The following RHPN2 variants were observed in gnomAD, a reference collection of about 807,000 sequenced individuals.
RHPN2 encodes rhophilin-2.
In RHPN2, 40 loss-of-function variants were observed where a neutral mutation model predicts 79.0. That is an observed-to-expected ratio of 0.51 (90% CI 0.39 to 0.66). The LOEUF (loss-of-function observed/expected upper bound fraction) is 0.66. Ranked by LOEUF, RHPN2 falls within the 30% of genes least tolerant of loss-of-function variation. The pLI is 0.00. For synonymous variants in RHPN2, 285 were observed against 363.5 expected, an observed-to-expected ratio of 0.78 and a Z score of 2.46; for missense variants, 686 against 883.5, an observed-to-expected ratio of 0.78 and a Z score of 2.83.
At chr19:33,025,977 A>G (rs1599823489) in intron 3 of RHPN2, among the ~76,000 whole-genome samples, 1 of 105,662 alleles carries the variant, frequency 9.5e-6, no homozygotes, top group Non-Finnish European at 1.7e-5. Context: ...TACTGTGTTC[A>G]TTTGTTTTTT....
chr19:33,034,018 G>A (rs1057155738), intron 2 of RHPN2, among the ~76,000 whole-genome samples: 5 of 123,650 alleles, frequency 4.0e-5, no homozygotes, highest in African/African-American at 1.9e-4. Flanking sequence ...TCCCATCTTG[G>A]CAAAACATTT....
intron 4 of RHPN2, among the ~76,000 whole-genome samples, chr19:33,012,935 G>A (rs1158884658): frequency 6.6e-6 from 1 of 151,384 alleles, no homozygotes; most frequent in East Asian, 1.9e-4. Flanking sequence ...GAGTGCAGTG[G>A]CACAATCTCG....
intron 3 of RHPN2, among the ~76,000 whole-genome samples, chr19:33,024,503 A>G (rs1971950954): frequency 6.6e-6 from 1 of 152,186 alleles, no homozygotes. Context: ...ATGTGGTGTC[A>G]CAAAGGGAAG....
At chr19:33,034,330 G>GC (rs1446311198) in intron 2 of RHPN2, among the ~76,000 whole-genome samples, 1 of 151,676 alleles carries the variant, frequency 6.6e-6, no homozygotes. Flanking sequence ...AGTTGGCCGG[G>GC]CGCGGTGGCT....
intron 10 of RHPN2, 157 bp from the exon 11 acceptor site, chr19:32,996,377 C>T (rs1971702181): frequency 7.0e-6 from 5 of 711,528 alleles, no homozygotes; most frequent in Non-Finnish European, 1.2e-5. Context: ...ACCTGAGTGA[C>T]TCTCTCCTAG....
At chr19:33,013,591 G>A (rs556845802) in intron 4 of RHPN2, among the ~76,000 whole-genome samples, 5 of 152,204 alleles carry the variant, frequency 3.3e-5, no homozygotes, top group Admixed American at 1.3e-4. Context: ...CGTGGCTCAC[G>A]TCTGTAATCC....
chr19:33,005,103 T>C (rs1049207672), intron 7 of RHPN2, among the ~76,000 whole-genome samples: 10 of 151,334 alleles, frequency 6.6e-5, no homozygotes, highest in Admixed American at 6.0e-4. Flanking sequence ...CCAGGGCTTT[T>C]CCCCTGGACC....
chr19:33,024,686 G>A (rs1330320712), intron 3 of RHPN2, among the ~76,000 whole-genome samples: 1 of 152,156 alleles, frequency 6.6e-6, no homozygotes, highest in Non-Finnish European at 1.5e-5. Flanking sequence ...TTTTTGAGAA[G>A]TCTCATGCCC....
chr19:33,056,977 G>C (rs7343107), intron 1 of RHPN2, among the ~76,000 whole-genome samples: 60,772 of 150,380 alleles, frequency 0.4, 15,345 homozygotes, highest in African/African-American at 0.7. Flanking sequence ...AAAATTAGCC[G>C]GACATGGTGG....
chr19:33,024,887 G>GAC (rs1408219254), intron 3 of RHPN2, among the ~76,000 whole-genome samples: 1 of 152,078 alleles, frequency 6.6e-6, no homozygotes, highest in African/African-American at 2.4e-5. Flanking sequence ...GAGTAGCTGA[G>GAC]ACTACAGGTG....
At chr19:32,986,533 C>T (rs1346527579) in intron 14 of RHPN2, among the ~76,000 whole-genome samples, 1 of 152,092 alleles carries the variant, frequency 6.6e-6, no homozygotes, top group Admixed American at 6.6e-5. Flanking sequence ...AGGTGGCTCA[C>T]GCCTGTAATC....
At chr19:33,016,094 C>A (rs1453450155) in intron 4 of RHPN2, among the ~76,000 whole-genome samples, 3 of 151,842 alleles carry the variant, frequency 2.0e-5, no homozygotes, top group Non-Finnish European at 4.4e-5. Flanking sequence ...AGAAATAATA[C>A]CTTTCACAAT....
intron 7 of RHPN2, among the ~76,000 whole-genome samples, chr19:33,006,165 C>G (rs1158918987): frequency 1.3e-5 from 2 of 151,504 alleles, no homozygotes; most frequent in African/African-American, 4.9e-5. Flanking sequence ...CAGGCATGAG[C>G]CACCATGCCC....
chr19:33,051,391 C>G (rs2145268582), intron 1 of RHPN2: 1 of 152,932 alleles, frequency 6.5e-6, no homozygotes, highest in African/African-American at 2.4e-5. Context: ...CTAGACAAAG[C>G]CCACAGGCAG....
intron 2 of RHPN2, among the ~76,000 whole-genome samples, chr19:33,039,412 C>T (rs954224510): frequency 6.6e-6 from 1 of 152,152 alleles, no homozygotes; most frequent in Non-Finnish European, 1.5e-5. Context: ...GGCCACCTCA[C>T]GTCACTCCTG....
intron 11 of RHPN2, among the ~76,000 whole-genome samples, chr19:32,995,482 G>A (rs1374492558): frequency 1.6e-4 from 25 of 152,132 alleles, no homozygotes; most frequent in African/African-American, 5.1e-4. Context: ...CAGCAGGCTC[G>A]GACTACCCTT....
intron 1 of RHPN2, among the ~76,000 whole-genome samples, chr19:33,059,586 A>C (rs1332565354): frequency 1.3e-5 from 2 of 152,014 alleles, no homozygotes; most frequent in African/African-American, 2.4e-5. Flanking sequence ...AGTGTGAGCC[A>C]CTGTGCCCTG....
rs894304338 is a variant in RHPN2 at position 33,043,277 on chromosome 19, G to A, written c.185+972C>T. ...GAAAAAAGGTGGCATGACGCCAGAC[G>A]CAGTAGCTCGCGCCTGTAATTCCAG... is the stretch of plus-strand genomic sequence containing the variant. On this transcript the variant is annotated intron_variant, in intron 2 of 14. Coordinates refer to ENST00000254260, the MANE Select transcript of RHPN2 (RefSeq NM_033103.5). Among the ~76,000 whole-genome samples the A allele has an allele frequency of 5.9e-5, 9 of 152,104 alleles. No individual in the cohort carries two copies. The South Asian group carries it at 1.2e-3, about 21-fold the overall frequency.
chr19:33,016,357 G>T (rs1971877616), intron 4 of RHPN2, among the ~76,000 whole-genome samples: 1 of 152,174 alleles, frequency 6.6e-6, no homozygotes, highest in East Asian at 1.9e-4. Context: ...AAAGGTGTGA[G>T]CCACTGTGCC....
Sources: allele counts gnomAD v4.1 joint callset (sites outside exome capture counted in the v4.1 genomes callset), GRCh38; gene constraint gnomAD v4.1.1; transcripts MANE v1.5; gene names NCBI Gene and HGNC (gene_info 2026-07-23, HGNC 2026-07-21).